The following PLXDC2 variants were observed in gnomAD, a reference collection of about 807,000 sequenced individuals.
PLXDC2 encodes the protein plexin domain-containing protein 2.
PLXDC2 carries 40 observed loss-of-function variants against 68.9 expected under a neutral mutation model. That is an observed-to-expected ratio of 0.58 (90% confidence interval 0.45 to 0.76). The LOEUF (loss-of-function observed/expected upper bound fraction) is 0.76. PLXDC2 is among the 30% of genes least tolerant of loss of function. PLXDC2 has a pLI of 0.00. For missense variants in PLXDC2, 644 were observed against 661.9 expected (o/e 0.97, Z 0.30); for synonymous variants, 243 against 234.2 (o/e 1.04, Z -0.34).
chr10:20,287,365 A>G lies in PLXDC2; in HGVS notation c.*7546A>G, dbSNP rs1340202215. The G allele has an allele frequency of 6.6e-6, 1 of 152,092 alleles. No individual in the cohort carries two copies. Among genetic ancestry groups the G allele is most frequent in the African/African-American group, 2.4e-5 (1 of 41,408 alleles). The allele number at this position is 152,092 out of a possible 1,614,324, so 9.4% of individuals were successfully genotyped here. A position where few individuals can be genotyped will look rare whatever the true frequency, so the allele number is the denominator to read the frequency against. On this transcript the variant is annotated 3_prime_UTR_variant, in exon 14 of 14. Transcript: ENST00000377252. ...ATAAGGCAAAAAAATCAATAAAATA[A>G]TTTTCCTGAGGAAAGGTTAAGAGAT...
intron 4 of PLXDC2, among the ~76,000 whole-genome samples, chr10:20,122,775 G>A (rs1033251208): frequency 2.0e-4 from 30 of 152,280 alleles, no homozygotes; most frequent in South Asian, 4.1e-4. Flanking sequence ...CCTTGAAGGC[G>A]AGGTTAATTA....
chr10:20,234,581 ATTAG>A (rs1414262175), intron 12 of PLXDC2, among the ~76,000 whole-genome samples: 1 of 149,894 alleles, frequency 6.7e-6, no homozygotes, highest in East Asian at 1.9e-4. Flanking sequence ...GGCACAGTTT[ATTAG>A]TTCTCGTAAC....
At chr10:20,026,307 A>T (rs1013675125) in intron 2 of PLXDC2, among the ~76,000 whole-genome samples, 1 of 152,128 alleles carries the variant, frequency 6.6e-6, no homozygotes, top group Non-Finnish European at 1.5e-5. Context: ...CTAATAGTGA[A>T]TGACATTTAA....
chr10:20,238,662 A>AAAAAT (rs1175526348), intron 12 of PLXDC2, among the ~76,000 whole-genome samples: 1 of 31,722 alleles, frequency 3.2e-5, no homozygotes, highest in African/African-American at 1.0e-4. Flanking sequence ...TCTCAAAAAA[A>AAAAAT]ATATATATAT....
chr10:19,870,539 C>T (rs1364683396), intron 1 of PLXDC2, among the ~76,000 whole-genome samples: 2 of 152,068 alleles, frequency 1.3e-5, no homozygotes, highest in South Asian at 2.1e-4. Context: ...GATTTTCCTG[C>T]CTCAGCCTCC....
At chr10:20,089,184 GT>G (rs1177957633) in intron 4 of PLXDC2, among the ~76,000 whole-genome samples, 1 of 89,488 alleles carries the variant, frequency 1.1e-5, no homozygotes, top group African/African-American at 6.5e-5. Context: ...GTGTGTGTGT[GT>G]GTGTGTGTGT....
chr10:19,941,204 G>T (rs545121483), intron 1 of PLXDC2, among the ~76,000 whole-genome samples: 15 of 152,292 alleles, frequency 9.8e-5, no homozygotes, highest in African/African-American at 3.6e-4. Context: ...AACTGGATGT[G>T]CAAAAGGCAG....
intron 3 of PLXDC2, among the ~76,000 whole-genome samples, chr10:20,064,939 A>G (rs937239904): frequency 1.3e-5 from 2 of 151,780 alleles, no homozygotes; most frequent in African/African-American, 2.4e-5. Flanking sequence ...TGCTCAGTCC[A>G]TGGGGACTGA....
At chr10:20,172,977 A>AT (rs1834468939) in intron 7 of PLXDC2, among the ~76,000 whole-genome samples, 1 of 152,162 alleles carries the variant, frequency 6.6e-6, no homozygotes, top group Non-Finnish European at 1.5e-5. Flanking sequence ...TGGCAAATGC[A>AT]TTTTTTATTT....
intron 4 of PLXDC2, among the ~76,000 whole-genome samples, chr10:20,103,584 TTG>T (rs1293315253): frequency 1.1e-5 from 1 of 86,966 alleles, no homozygotes; most frequent in South Asian, 5.0e-4. Context: ...TAAAGGCGGT[TTG>T]TGTGTGAGAG....
At chr10:20,251,609 C>G (rs963560479) in intron 13 of PLXDC2, among the ~76,000 whole-genome samples, 1 of 151,922 alleles carries the variant, frequency 6.6e-6, no homozygotes. Flanking sequence ...TATCACTATT[C>G]AAGATTTTTA....
intron 10 of PLXDC2, among the ~76,000 whole-genome samples, chr10:20,212,022 A>G (rs1022272913): frequency 2.6e-5 from 4 of 151,928 alleles, no homozygotes; most frequent in African/African-American, 9.7e-5. Context: ...TATTCATTCT[A>G]TGAAGAACAG....
intron 13 of PLXDC2, among the ~76,000 whole-genome samples, chr10:20,267,384 C>A (rs1835885062): frequency 6.6e-6 from 1 of 152,072 alleles, no homozygotes; most frequent in African/African-American, 2.4e-5. Context: ...TAGTGCTTAA[C>A]AGAAGCAGAA....
intron 6 of PLXDC2, among the ~76,000 whole-genome samples, chr10:20,164,018 TTATATC>T (rs1042447214): frequency 4.6e-5 from 7 of 152,294 alleles, no homozygotes; most frequent in South Asian, 2.1e-4. Context: ...TCTCTAGATT[TTATATC>T]TATAAGACTG....
chr10:20,120,968 G>A (rs949786722), intron 4 of PLXDC2, among the ~76,000 whole-genome samples: 7 of 152,150 alleles, frequency 4.6e-5, no homozygotes, highest in Admixed American at 3.3e-4. Context: ...GAAATACGGG[G>A]AAATGGGGTG....
intron 11 of PLXDC2, 147 bp downstream of exon 11, chr10:20,217,723 G>A (rs1835159437): frequency 8.7e-7 from 1 of 1,145,584 alleles, no homozygotes; most frequent in Non-Finnish European, 1.1e-6. Flanking sequence ...GGATTTCTAA[G>A]GGATTTCCAA....
chr10:20,229,130 A>C (rs1400999095), intron 12 of PLXDC2, among the ~76,000 whole-genome samples: 3 of 152,190 alleles, frequency 2.0e-5, no homozygotes, highest in African/African-American at 7.2e-5. Context: ...AAGAGTCAAA[A>C]GATGACTGGG....
At chr10:19,833,641 A>C (rs2131311312) in intron 1 of PLXDC2, among the ~76,000 whole-genome samples, 1 of 152,326 alleles carries the variant, frequency 6.6e-6, no homozygotes, top group Non-Finnish European at 1.5e-5. Context: ...GAAGCAAGAA[A>C]ATACTTTGAC....
At chr10:20,186,776 A>G (rs1047679310) in intron 9 of PLXDC2, among the ~76,000 whole-genome samples, 4 of 151,968 alleles carry the variant, frequency 2.6e-5, no homozygotes, top group African/African-American at 4.8e-5. Context: ...GTAGTATTCC[A>G]TCATGTATAT....
Sources: gnomAD v4.1 joint callset for allele counts (sites outside exome capture counted in the v4.1 genomes callset) on GRCh38, gnomAD v4.1.1 for gene constraint, MANE v1.5 for transcripts, NCBI Gene and HGNC (gene_info 2026-07-23, HGNC 2026-07-21) for gene names.